RBM25: variants seen among roughly 807,000 people sequenced by gnomAD.
The protein encoded by RBM25 is RNA-binding protein 25.
RBM25 carries 19 observed loss-of-function variants against 120.7 expected under a neutral mutation model. The observed-to-expected ratio is 0.16, with a 90% CI of 0.11 to 0.23. The LOEUF is 0.23. Among genes scored for constraint, RBM25 ranks in the 10% least tolerant of loss-of-function variants. The pLI, the probability that RBM25 is intolerant of heterozygous loss-of-function variation, is 1.00. For synonymous variants in RBM25, 390 were observed against 326.7 expected (o/e 1.19, Z -2.09); for missense variants, 605 against 1,041.5 (o/e 0.58, Z 5.77).
At chr14:73,095,316 G>A (rs1382127567) in intron 6 of RBM25, among the ~76,000 whole-genome samples, 2 of 93,948 alleles carry the variant, frequency 2.1e-5, no homozygotes, top group Non-Finnish European at 2.1e-5. Flanking sequence ...ATGCTCTTAA[G>A]AATTTGTTGA....
At position 73,114,323 on chromosome 14, in the gene RBM25, A is replaced by AT. The variant is rs1161362257; in HGVS notation, c.2430dup (p.Val811CysfsTer6). ...AGTTCACCCCAGAGCATTTTAGATG[A>AT]TGTTGCCATGGTAAGTTAGAAATTC... On this transcript the variant is annotated frameshift_variant, in exon 18 of 19. Coordinates refer to ENST00000261973, the MANE Select transcript of RBM25 (RefSeq NM_021239.3). LOFTEE classifies it high-confidence loss of function. 1 of 1,569,332 alleles carries AT rather than the reference A, an allele frequency of 6.4e-7. No individual in the cohort carries two copies. Among genetic ancestry groups the AT allele is most frequent in the African/African-American group, 1.4e-5 (1 of 73,072 alleles).
chr14:73,118,149 T>G (rs1212700700), intron 18 of RBM25, among the ~76,000 whole-genome samples: 3 of 152,324 alleles, frequency 2.0e-5, no homozygotes, highest in Middle Eastern at 3.4e-3. Context: ...AATGTTCACT[T>G]TAGTGTCACA....
intron 9 of RBM25, 186 bp from the exon 10 acceptor site, chr14:73,103,006 T>C: frequency 7.8e-7 from 1 of 1,288,586 alleles, no homozygotes. Context: ...GAGTATATGG[T>C]TTTGCACGAA....
intron 18 of RBM25, among the ~76,000 whole-genome samples, chr14:73,115,153 C>CGTGTGTGTGTGTGTGTGTGT (rs33924709): frequency 1.4e-5 from 2 of 146,678 alleles, no homozygotes; most frequent in South Asian, 2.2e-4. Context: ...GGAACTGATA[C>CGTGTGTGTGTGTGTGTGTGT]GTGTGTGTGT....
intron 6 of RBM25, among the ~76,000 whole-genome samples, chr14:73,095,739 G>T (rs1050956361): frequency 5.3e-5 from 8 of 152,166 alleles, no homozygotes; most frequent in Non-Finnish European, 1.2e-4. Flanking sequence ...ACATTGTTAA[G>T]GAGGCACAAG....
chr14:73,116,723 A>G (rs1446734142), intron 18 of RBM25, among the ~76,000 whole-genome samples: 1 of 152,206 alleles, frequency 6.6e-6, no homozygotes, highest in Non-Finnish European at 1.5e-5. Flanking sequence ...CAGAGTTCCT[A>G]TCATACATAG....
intron 1 of RBM25, chr14:73,069,779 A>AAAAAAAAAAAAAAT (rs1895234317): frequency 8.0e-6 from 1 of 125,248 alleles, no homozygotes; most frequent in Non-Finnish European, 1.7e-5. Flanking sequence ...AAAAAAAAAA[A>AAAAAAAAAAAAAAT]GTGTGTTGCT....
At chr14:73,098,043 C>A (rs1380162614) in intron 7 of RBM25, among the ~76,000 whole-genome samples, 1 of 152,184 alleles carries the variant, frequency 6.6e-6, no homozygotes, top group Non-Finnish European at 1.5e-5. Flanking sequence ...GGGAGAATTA[C>A]TTGAGCCCAT....
Position 73,103,453 on chromosome 14 carries a change from C to T in RBM25, c.1129C>T (p.Arg377Cys), listed in dbSNP as rs778400401. The change falls in exon 10 of 19, where the codon CGT becomes TGT. Residue 377 changes from arginine (R) to cysteine (C), a missense_variant. Arg to Cys is a radical substitution (Grantham distance 180, BLOSUM62 -3). Coordinates refer to ENST00000261973, the MANE Select transcript of RBM25 (RefSeq NM_021239.3). ...CCGGGATAGAGAAAGGAGCTCAGAT[C>T]GTAATAAGGATCGCAGTCGATCAAG... ...RDRDRERSSD[R>C]NKDRSRSREK... 4.4e-6 allele frequency: 7 copies of T among 1,602,804 alleles called. No homozygotes were observed. Among genetic ancestry groups the T allele is most frequent in the African/African-American group, 1.3e-5 (1 of 74,074 alleles).
intron 6 of RBM25, among the ~76,000 whole-genome samples, chr14:73,095,323 T>C (rs1363785694): frequency 7.2e-4 from 1 of 1,388 alleles, no homozygotes; most frequent in Non-Finnish European, 1.5e-3. Context: ...TAAGAATTTG[T>C]TGATGGGTGT....
chr14:73,117,202 CTTCTTTTCTTTTTTTTTTTT>C (rs1821448229), intron 18 of RBM25, among the ~76,000 whole-genome samples: 1 of 47,770 alleles, frequency 2.1e-5, no homozygotes, highest in South Asian at 6.8e-4. Flanking sequence ...TAATTTCTTT[CTTCTTTTCTTTTTTTTTTTT>C]TTTTTTTTTT....
intron 1 of RBM25, among the ~76,000 whole-genome samples, chr14:73,061,131 C>T (rs1894995587): frequency 6.6e-6 from 1 of 150,488 alleles, no homozygotes; most frequent in African/African-American, 2.4e-5. Context: ...GATCTCACCT[C>T]ACTGTAACCT....
At chr14:73,070,775 C>T (rs1248483881) in intron 1 of RBM25, among the ~76,000 whole-genome samples, 2 of 151,860 alleles carry the variant, frequency 1.3e-5, no homozygotes, top group African/African-American at 4.8e-5. Flanking sequence ...GGTGAAACCC[C>T]GTCTCTACTA....
At chr14:73,090,093 C>G (rs1160030108) in intron 6 of RBM25, among the ~76,000 whole-genome samples, 2 of 151,844 alleles carry the variant, frequency 1.3e-5, no homozygotes, top group African/African-American at 4.8e-5. Flanking sequence ...CTTTGTTGCC[C>G]AGACTGGAGT....
At chr14:73,094,622 G>T (rs992397310) in intron 6 of RBM25, among the ~76,000 whole-genome samples, 1 of 151,884 alleles carries the variant, frequency 6.6e-6, no homozygotes, top group Non-Finnish European at 1.5e-5. Context: ...TAGTAGAGAC[G>T]GGGTTTCACC....
chr14:73,103,933 C>G (rs1896112101), intron 10 of RBM25, among the ~76,000 whole-genome samples: 2 of 48,638 alleles, frequency 4.1e-5, no homozygotes, highest in African/African-American at 1.0e-4. Flanking sequence ...CTCTCTCTCT[C>G]TCTCTCTCTC....
intron 1 of RBM25, among the ~76,000 whole-genome samples, chr14:73,060,036 G>A (rs1357928629): frequency 1.3e-5 from 2 of 150,050 alleles, no homozygotes; most frequent in African/African-American, 4.9e-5. Context: ...TTTTTTTTTT[G>A]TTTTGTGTTG....
intron 6 of RBM25, among the ~76,000 whole-genome samples, chr14:73,093,310 A>G (rs1275349011): frequency 6.6e-6 from 1 of 152,192 alleles, no homozygotes; most frequent in Non-Finnish European, 1.5e-5. Flanking sequence ...CGTACTTTGG[A>G]TTCTAGACCT....
rs773633353 is a variant in RBM25 at position 73,112,262 on chromosome 14, A to C, written c.2391+12A>C. 1 of 1,558,600 alleles carries C rather than the reference A, an allele frequency of 6.4e-7. No homozygotes were observed. Among genetic ancestry groups the C allele is most frequent in the Non-Finnish European group, 8.6e-7 (1 of 1,161,606 alleles). ...TTGTTTGTTCTAAGGTTAGTCTTCT[A>C]TTCTCTTCCATGCCAGCATTTATTT... is the stretch of plus-strand genomic sequence containing the variant. On this transcript the variant is annotated intron_variant, in intron 17 of 18. Coordinates refer to ENST00000261973, the MANE Select transcript of RBM25 (RefSeq NM_021239.3).
Sources: gnomAD v4.1 joint callset for allele counts (sites outside exome capture counted in the v4.1 genomes callset) on GRCh38, gnomAD v4.1.1 for gene constraint, MANE v1.5 for transcripts, NCBI Gene and HGNC (gene_info 2026-07-23, HGNC 2026-07-21) for gene names.